The following CSMD1 variants were observed in gnomAD, a reference collection of about 807,000 sequenced individuals.
CSMD1 encodes the protein CUB and sushi domain-containing protein 1.
In CSMD1, 213 loss-of-function variants were observed where a neutral mutation model predicts 417.5. That is an observed-to-expected ratio of 0.51 (90% CI 0.46 to 0.57). The LOEUF is 0.57. CSMD1 is among the 20% of genes least tolerant of loss of function. CSMD1 has a pLI of 0.00. For synonymous variants in CSMD1, 2,862 were observed against 1,736.8 expected, an observed-to-expected ratio of 1.65 and a Z score of -16.11; for missense variants, 6,923 against 4,529.7, an observed-to-expected ratio of 1.53 and a Z score of -15.17.
chr8:3,143,497 A>G (rs1460372490), intron 40 of CSMD1, among the ~76,000 whole-genome samples: 1 of 152,254 alleles, frequency 6.6e-6, no homozygotes, highest in African/African-American at 2.4e-5. Flanking sequence ...AAAGGAAACA[A>G]TAAAAATAAT....
chr8:4,969,861 G>A (rs969835085), intron 1 of CSMD1, among the ~76,000 whole-genome samples: 1 of 151,534 alleles, frequency 6.6e-6, no homozygotes, highest in African/African-American at 2.4e-5. Flanking sequence ...TAAACAAGTA[G>A]GATATAGTGT....
rs770566471 is a variant in CSMD1 at position 3,493,613 on chromosome 8, A to G, written c.1448+10T>C. The stretch of plus-strand genomic sequence containing the variant: ...GCATAAGAGAAGAAGAAGCTCAAGG[A>G]CATACTCACACGTACAAGACCGATC... On this transcript the variant is annotated intron_variant, in intron 11 of 69. Transcript: ENST00000635120. 1.4e-5 allele frequency: 22 copies of G among 1,599,554 alleles called. No individual in the cohort carries two copies. The highest frequency in any genetic ancestry group is 1.8e-5 in the Non-Finnish European group (21 of 1,171,720).
intron 18 of CSMD1, among the ~76,000 whole-genome samples, chr8:3,384,976 A>C (rs58454462): frequency 0.11 from 12,793 of 119,330 alleles, 728 homozygotes; most frequent in Middle Eastern, 0.14. Context: ...ATATGCATAT[A>C]TAGCATATAT....
chr8:3,667,159 T>C (rs968613020), intron 7 of CSMD1, among the ~76,000 whole-genome samples: 3 of 152,140 alleles, frequency 2.0e-5, no homozygotes, highest in East Asian at 1.9e-4. Flanking sequence ...GCTGTTCTTA[T>C]GGAGCTCACA....
chr8:4,076,432 C>G (rs1021907820), intron 3 of CSMD1, among the ~76,000 whole-genome samples: 2 of 152,090 alleles, frequency 1.3e-5, no homozygotes, highest in Non-Finnish European at 2.9e-5. Context: ...CATAGACTTT[C>G]TCTGGTTTAT....
chr8:3,399,758 A>G (rs1409458918), intron 15 of CSMD1, among the ~76,000 whole-genome samples: 2 of 152,236 alleles, frequency 1.3e-5, no homozygotes, highest in African/African-American at 4.8e-5. Context: ...TTTCTCTAGT[A>G]ATGGTAATGT....
intron 3 of CSMD1, among the ~76,000 whole-genome samples, chr8:4,183,562 C>A (rs890149012): frequency 6.6e-6 from 1 of 152,228 alleles, no homozygotes; most frequent in Non-Finnish European, 1.5e-5. Context: ...GACAGACATT[C>A]CTTTAAAATT....
intron 5 of CSMD1, among the ~76,000 whole-genome samples, chr8:3,983,135 C>CTTTTTTTTTTTTTTTTTTTTT (rs201667296): frequency 7.5e-6 from 1 of 133,514 alleles, no homozygotes; most frequent in African/African-American, 2.9e-5. Flanking sequence ...ATCTTTCTTT[C>CTTTTTTTTTTTTTTTTTTTTT]TTTTTTTTTT....
intron 3 of CSMD1, among the ~76,000 whole-genome samples, chr8:4,158,467 G>T (rs954358475): frequency 1.3e-5 from 2 of 152,080 alleles, no homozygotes; most frequent in African/African-American, 4.8e-5. Context: ...TACTAATACA[G>T]CCGCTAGTGC....
intron 3 of CSMD1, among the ~76,000 whole-genome samples, chr8:4,035,855 C>T (rs1336288391): frequency 1.3e-5 from 2 of 152,168 alleles, no homozygotes; most frequent in African/African-American, 2.4e-5. Context: ...ATGAAGTCTA[C>T]AGTCGTACAT....
At chr8:3,263,724 A>T (rs1460616769) in intron 26 of CSMD1, among the ~76,000 whole-genome samples, 1 of 152,234 alleles carries the variant, frequency 6.6e-6, no homozygotes, top group Admixed American at 6.5e-5. Context: ...ACTTATCCCA[A>T]TTAAGTTCTT....
At chr8:3,689,116 A>C in intron 7 of CSMD1, among the ~76,000 whole-genome samples, 1 of 152,190 alleles carries the variant, frequency 6.6e-6, no homozygotes, top group East Asian at 1.9e-4. Context: ...AACAGCAACC[A>C]AACAACTCCA....
At chr8:4,027,459 T>G (rs928174935) in intron 4 of CSMD1, among the ~76,000 whole-genome samples, 1 of 152,074 alleles carries the variant, frequency 6.6e-6, no homozygotes, top group Non-Finnish European at 1.5e-5. Flanking sequence ...GCTGTTCTTG[T>G]GACAGTGGGT....
At chr8:4,216,561 T>G (rs183510251) in intron 3 of CSMD1, among the ~76,000 whole-genome samples, 2 of 152,336 alleles carry the variant, frequency 1.3e-5, no homozygotes, top group Admixed American at 6.5e-5. Flanking sequence ...GGCCTGAGTC[T>G]GCTGCCACTG....
intron 6 of CSMD1, among the ~76,000 whole-genome samples, chr8:3,729,409 ACT>A (rs1361897087): frequency 2.6e-5 from 4 of 151,816 alleles, no homozygotes; most frequent in African/African-American, 4.8e-5. Flanking sequence ...CTTAGGCACA[ACT>A]CTCTGCATGT....
chr8:3,280,112 A>C (rs895861853), intron 26 of CSMD1, among the ~76,000 whole-genome samples: 1 of 152,124 alleles, frequency 6.6e-6, no homozygotes, highest in Non-Finnish European at 1.5e-5. Flanking sequence ...CTGTGCCCTG[A>C]CATGCCCTCC....
In CSMD1 at chr8:4,691,692, C is replaced by T. The variant is rs189110546; in HGVS notation, c.86-54134G>A. On this transcript the variant is annotated intron_variant, in intron 1 of 69. Coordinates refer to ENST00000635120, the MANE Select transcript of CSMD1 (RefSeq NM_033225.6). Reference sequence around the variant, plus strand: ...AACATCTACCTGCCTGCCTTAACTACGCTTATTTTCAACCCAATTTCCTGA... The same window carrying T: ...AACATCTACCTGCCTGCCTTAACTATGCTTATTTTCAACCCAATTTCCTGA... Among the ~76,000 whole-genome samples the T allele has an allele frequency of 3.9e-5, 6 of 152,312 alleles. No individual in the cohort carries two copies. In the South Asian group the frequency reaches 8.3e-4, roughly 21 times the overall value.
At chr8:3,233,647 T>G (rs1312196815) in intron 26 of CSMD1, among the ~76,000 whole-genome samples, 1 of 152,186 alleles carries the variant, frequency 6.6e-6, no homozygotes, top group Non-Finnish European at 1.5e-5. Context: ...CCTATTCATA[T>G]TTTTATTCTC....
At chr8:3,591,122 T>G (rs1008510607) in intron 8 of CSMD1, among the ~76,000 whole-genome samples, 1 of 152,178 alleles carries the variant, frequency 6.6e-6, no homozygotes, top group African/African-American at 2.4e-5. Flanking sequence ...TGTTAGTAGT[T>G]AGTAACTGTA....
Sources: gnomAD v4.1 joint callset for allele counts (sites outside exome capture counted in the v4.1 genomes callset) on GRCh38, gnomAD v4.1.1 for gene constraint, MANE v1.5 for transcripts, NCBI Gene and HGNC (gene_info 2026-07-23, HGNC 2026-07-21) for gene names.